The following TRAK1 variants were observed in gnomAD, a reference collection of about 807,000 sequenced individuals.
The protein encoded by TRAK1 is trafficking kinesin-binding protein 1.
Under a neutral mutation model 92.1 loss-of-function variants are expected in TRAK1, and 33 were observed. The ratio of observed to expected loss-of-function variants is 0.36; its 90% CI spans 0.27 to 0.48. The LOEUF (loss-of-function observed/expected upper bound fraction) is 0.48. Ranked by LOEUF, TRAK1 falls within the 20% of genes least tolerant of loss-of-function variation. TRAK1 has a pLI of 0.99. For synonymous variants in TRAK1, 521 were observed against 517.3 expected, an observed-to-expected ratio of 1.01 and a Z score of -0.10; for missense variants, 1,123 against 1,257.9, an observed-to-expected ratio of 0.89 and a Z score of 1.62.
At chr3:42,214,415 A>C (rs528476160) in intron 14 of TRAK1, among the ~76,000 whole-genome samples, 1 of 152,240 alleles carries the variant, frequency 6.6e-6, no homozygotes, top group Non-Finnish European at 1.5e-5. Flanking sequence ...ACAAGAGGAC[A>C]GAGGGTATAG....
intron 2 of TRAK1, among the ~76,000 whole-genome samples, chr3:42,164,435 T>A (rs1325343350): frequency 6.6e-6 from 1 of 152,230 alleles, no homozygotes; most frequent in Non-Finnish European, 1.5e-5. Flanking sequence ...CAGGTAAACA[T>A]TCTCATTTTG....
chr3:42,024,927 A>G (rs943189130), intron 1 of TRAK1, among the ~76,000 whole-genome samples: 13 of 152,232 alleles, frequency 8.5e-5, no homozygotes, highest in African/African-American at 3.1e-4. Context: ...TGCTAGGGAT[A>G]CCACATCAGT....
At chr3:42,220,573 C>T in intron 15 of TRAK1, 3 of 985,410 alleles carry the variant, frequency 3.0e-6, no homozygotes, top group Non-Finnish European at 3.6e-6. Flanking sequence ...AGAGTCTGAG[C>T]CCACGGGCGA....
chr3:42,102,235 C>T (rs1266028396), intron 1 of TRAK1, among the ~76,000 whole-genome samples: 1 of 152,248 alleles, frequency 6.6e-6, no homozygotes, highest in Non-Finnish European at 1.5e-5. Flanking sequence ...ATCCGCCTGC[C>T]TTGGCCTCCC....
chr3:42,137,189 C>T (rs1698063807), intron 2 of TRAK1, among the ~76,000 whole-genome samples: 1 of 152,026 alleles, frequency 6.6e-6, no homozygotes, highest in Middle Eastern at 3.2e-3. Context: ...TCTTGAAAAA[C>T]ACAATTTTCA....
intron 1 of TRAK1, among the ~76,000 whole-genome samples, chr3:42,032,392 C>G (rs1245130440): frequency 6.6e-6 from 1 of 151,798 alleles, no homozygotes; most frequent in Non-Finnish European, 1.5e-5. Context: ...TGCCCATTGT[C>G]CCATGTTGTT....
intron 1 of TRAK1, among the ~76,000 whole-genome samples, chr3:42,115,380 A>G (rs1380319085): frequency 6.6e-6 from 1 of 152,130 alleles, no homozygotes; most frequent in Non-Finnish European, 1.5e-5. Flanking sequence ...GCCCAAGTGG[A>G]ATGCGCCACA....
chr3:42,037,580 A>G, intron 1 of TRAK1, among the ~76,000 whole-genome samples: 1 of 152,196 alleles, frequency 6.6e-6, no homozygotes, highest in Non-Finnish European at 1.5e-5. Context: ...TCAAATTGTA[A>G]CTCTGACAGT....
At chr3:42,148,544 C>T (rs1323985539) in intron 2 of TRAK1, among the ~76,000 whole-genome samples, 6 of 152,182 alleles carry the variant, frequency 3.9e-5, no homozygotes, top group African/African-American at 1.4e-4. Context: ...TTCCTCACTC[C>T]TTCCCCAGAG....
intron 1 of TRAK1, among the ~76,000 whole-genome samples, chr3:42,111,940 A>G (rs1708464758): frequency 6.6e-6 from 1 of 150,504 alleles, no homozygotes; most frequent in Non-Finnish European, 1.5e-5. Flanking sequence ...TCAAATCTAG[A>G]AAAGAGTTTT....
At chr3:42,210,097 A>AGGG (rs147555800) in intron 14 of TRAK1, 112 bp downstream of exon 14, 4 of 1,604,586 alleles carry the variant, frequency 2.5e-6, no homozygotes, top group Non-Finnish European at 3.4e-6. Context: ...GAGGAGGAGG[A>AGGG]GGAGGAGGAG....
chr3:42,208,473 C>G (rs1708593534), intron 13 of TRAK1, among the ~76,000 whole-genome samples: 2 of 152,232 alleles, frequency 1.3e-5, no homozygotes, highest in Non-Finnish European at 2.9e-5. Context: ...CCGCCTCCCA[C>G]CTCGGCCTGC....
chr3:42,137,351 A>G (rs879385357), intron 2 of TRAK1, among the ~76,000 whole-genome samples: 11 of 152,250 alleles, frequency 7.2e-5, no homozygotes, highest in Non-Finnish European at 1.5e-4. Flanking sequence ...ATTTGCCTGA[A>G]AACACTGAAT....
upstream of TRAK1, chr3:42,087,522 TGCAAAAGACTC>T: frequency 6.5e-6 from 1 of 152,696 alleles, no homozygotes; most frequent in East Asian, 1.9e-4. Context: ...ACCACCAAAG[TGCAAAAGACTC>T]TGAGCTTTCG....
At chr3:42,067,394 C>T (rs1396764407) in intron 1 of TRAK1, among the ~76,000 whole-genome samples, 3 of 152,206 alleles carry the variant, frequency 2.0e-5, no homozygotes, top group African/African-American at 4.8e-5. Context: ...TGTTTCTTCT[C>T]ACTCGATCCT....
chr3:42,179,410 TC>T (rs1245149274), intron 3 of TRAK1, among the ~76,000 whole-genome samples: 1 of 152,222 alleles, frequency 6.6e-6, no homozygotes, highest in African/African-American at 2.4e-5. Flanking sequence ...AGCACAGCCT[TC>T]CACCAGCGTG....
intron 3 of TRAK1, among the ~76,000 whole-genome samples, chr3:42,179,212 C>T (rs1033963742): frequency 6.6e-6 from 1 of 152,222 alleles, no homozygotes; most frequent in South Asian, 2.1e-4. Flanking sequence ...TGATAAGATT[C>T]ATGCCTGAGT....
intron 3 of TRAK1, among the ~76,000 whole-genome samples, chr3:42,184,052 A>G (rs1240942257): frequency 2.0e-5 from 3 of 152,200 alleles, no homozygotes; most frequent in Non-Finnish European, 4.4e-5. Context: ...CTCCGTTTTG[A>G]AAGTTGTTTT....
intron 1 of TRAK1, among the ~76,000 whole-genome samples, chr3:42,042,217 G>C (rs993083770): frequency 6.6e-6 from 1 of 151,942 alleles, no homozygotes; most frequent in Non-Finnish European, 1.5e-5. Flanking sequence ...GTGAGCCATC[G>C]AGCTCGGCCT....
Sources: allele counts gnomAD v4.1 joint callset (sites outside exome capture counted in the v4.1 genomes callset), GRCh38; gene constraint gnomAD v4.1.1; transcripts MANE v1.5; gene names NCBI Gene and HGNC (gene_info 2026-07-23, HGNC 2026-07-21).